The following GALK2 variants were observed in gnomAD, a reference collection of about 807,000 sequenced individuals.
GALK2 encodes the protein N-acetylgalactosamine kinase.
Under a neutral mutation model 52.4 loss-of-function variants are expected in GALK2, and 36 were observed. The observed-to-expected ratio is 0.69, with a 90% CI of 0.53 to 0.91. The LOEUF (loss-of-function observed/expected upper bound fraction) is 0.91, where lower values mean the gene tolerates loss of function less well. GALK2 is among the 40% of genes least tolerant of loss of function. The pLI is 0.00. For missense variants in GALK2, 579 were observed against 559.1 expected, an observed-to-expected ratio of 1.04 and a Z score of -0.36; for synonymous variants, 176 against 199.1, an observed-to-expected ratio of 0.88 and a Z score of 0.98.
rs139257002 is a variant in GALK2 at position 49,308,512 on chromosome 15, A to G, written c.968-11092A>G. Among the ~76,000 whole-genome samples the G allele has an allele frequency of 1.7e-4, 26 of 152,344 alleles. No individual in the cohort carries two copies. The East Asian group carries it at 4.8e-3, about 28-fold the overall frequency. On this transcript the variant is annotated intron_variant, in intron 8 of 9. Coordinates refer to ENST00000560031, the MANE Select transcript of GALK2 (RefSeq NM_002044.4). The stretch of plus-strand genomic sequence containing the variant: ...ATTATCCTGAGATAGTCTTCATTCA[A>G]GGTAATGAAATATTCTTAAAATACT...
intron 3 of GALK2, chr15:49,365,957 A>G: frequency 1.1e-6 from 1 of 873,606 alleles, no homozygotes; most frequent in Non-Finnish European, 2.0e-6. Flanking sequence ...TAAACTAACC[A>G]TTTGTGGAAG....
rs933184395 is a variant in GALK2 at position 49,164,803 on chromosome 15, A to T, written c.20+8787A>T. ...CTCAAAAAAAAAAAAAAAAAAAAAA[A>T]AAAGAAATAAAAAGGAAAAAACAAA... On this transcript the variant is annotated intron_variant, in intron 1 of 9. Coordinates refer to the GALK2 transcript ENST00000327171. Among the ~76,000 whole-genome samples, 3 of 150,670 alleles carry T rather than the reference A, an allele frequency of 2.0e-5. No individual in the cohort carries two copies. The East Asian group carries it at 5.8e-4, about 29-fold the overall frequency.
intron 8 of GALK2, among the ~76,000 whole-genome samples, chr15:49,315,071 G>A (rs1463907570): frequency 6.6e-6 from 1 of 152,166 alleles, no homozygotes; most frequent in East Asian, 1.9e-4. Context: ...AGTATATATA[G>A]CCATGAACAT....
chr15:49,292,226 C>T (rs974188275), intron 7 of GALK2, 101 bp from the exon 8 acceptor site: 37 of 1,087,664 alleles, frequency 3.4e-5, no homozygotes, highest in Admixed American at 2.0e-4. Flanking sequence ...AGGAAAACAA[C>T]AACAAAACAA....
At chr15:49,173,116 A>G (rs750426971) in intron 1 of GALK2, among the ~76,000 whole-genome samples, 8 of 152,030 alleles carry the variant, frequency 5.3e-5, no homozygotes, top group Admixed American at 2.0e-4. Context: ...GTATTTATAG[A>G]TTTAGTCACT....
chr15:49,171,088 T>C (rs201633304), intron 1 of GALK2, among the ~76,000 whole-genome samples: 49 of 134,568 alleles, frequency 3.6e-4, no homozygotes, highest in East Asian at 1.1e-3. Context: ...TTTTCTTTTT[T>C]TTTTTTTTTT....
chr15:49,191,451 C>G lies in GALK2; in HGVS notation c.54-9711C>G, dbSNP rs149852419. Among the ~76,000 whole-genome samples, 293 of 152,202 alleles carry G rather than the reference C, an allele frequency of 1.9e-3. 1 individual carries two copies. Among genetic ancestry groups the G allele is most frequent in the East Asian group, 0.011 (56 of 5,182 alleles). On this transcript the variant is annotated intron_variant, in intron 1 of 9. Transcript: ENST00000560031. ...GTTGGGTCTAGTGCAACAGCTTAGT[C>G]TAAAACAATGGCCTCCTATAATTTT...
intron 8 of GALK2, among the ~76,000 whole-genome samples, chr15:49,311,681 G>A (rs138790512): frequency 9.1e-4 from 138 of 152,270 alleles, no homozygotes; most frequent in African/African-American, 2.9e-3. Context: ...GGATATATCC[G>A]TATTGTACTT....
At chr15:49,364,838 G>A (rs1257060849) in intron 3 of GALK2, among the ~76,000 whole-genome samples, 1 of 151,698 alleles carries the variant, frequency 6.6e-6, no homozygotes, top group African/African-American at 2.4e-5. Flanking sequence ...AAAAGCATAG[G>A]GATGGGTCAA....
chr15:49,319,511 C>T, intron 8 of GALK2, 93 bp from the exon 9 acceptor site: 1 of 1,006,060 alleles, frequency 9.9e-7, no homozygotes, highest in Non-Finnish European at 1.5e-6. Context: ...ATAATGAAAA[C>T]AGAAATGAAA....
intron 5 of GALK2, among the ~76,000 whole-genome samples, chr15:49,278,536 A>G (rs891381804): frequency 3.9e-5 from 6 of 152,234 alleles, no homozygotes; most frequent in Admixed American, 2.0e-4. Context: ...TTAGAGCACT[A>G]TAAGGTGCTT....
intron 1 of GALK2, among the ~76,000 whole-genome samples, chr15:49,199,465 C>T (rs1216953577): frequency 2.0e-5 from 3 of 152,114 alleles, no homozygotes; most frequent in Admixed American, 6.5e-5. Context: ...CTAGCGATAT[C>T]AGTTATTGTC....
chr15:49,155,864 C>G, exon 1 of GALK2: 2 of 999,200 alleles, frequency 2.0e-6, no homozygotes, highest in South Asian at 1.5e-5. Context: ...AAACTGCGCT[C>G]GCATCGAGCA....
At chr15:49,170,230 A>G, upstream of GALK2, 10 of 1,534,854 alleles carry the variant, frequency 6.5e-6, no homozygotes, top group Non-Finnish European at 8.8e-6. Flanking sequence ...ATCTCCCGGA[A>G]GAAAACGGCT....
intron 3 of GALK2, among the ~76,000 whole-genome samples, chr15:49,336,967 T>C (rs2039825321): frequency 6.6e-6 from 1 of 152,212 alleles, no homozygotes; most frequent in South Asian, 2.1e-4. Context: ...TTTGGTGTTA[T>C]TTACTTAGGA....
chr15:49,200,854 A>G (rs757029618), intron 1 of GALK2, among the ~76,000 whole-genome samples: 17 of 152,212 alleles, frequency 1.1e-4, no homozygotes. Context: ...CAGAAACTAC[A>G]TTCTTCAAAA....
intron 3 of GALK2, among the ~76,000 whole-genome samples, chr15:49,230,825 TTTCTC>T (rs2090459458): frequency 6.6e-6 from 1 of 152,224 alleles, no homozygotes; most frequent in African/African-American, 2.4e-5. Flanking sequence ...TCAGGATTCT[TTTCTC>T]AGAATTCTAC....
chr15:49,169,201 C>T (rs2084926903), upstream of GALK2: 1 of 151,688 alleles, frequency 6.6e-6, no homozygotes, highest in Admixed American at 6.6e-5. Context: ...ATGTATACAA[C>T]TTATCGAATC....
chr15:49,242,658 A>G lies in GALK2; in HGVS notation c.504+3291A>G, dbSNP rs141493757. Among the ~76,000 whole-genome samples the G allele has an allele frequency of 1.8e-4, 27 of 152,350 alleles. 1 individual carries two copies. In the East Asian group the frequency reaches 4.6e-3, roughly 26 times the overall value. ...ATGTGGAACTTGTTAATTCATTAAT[A>G]TACTAAATGTTGCATATCTGAAACC... is the stretch of plus-strand genomic sequence containing the variant. On this transcript the variant is annotated intron_variant, in intron 5 of 9. Transcript: ENST00000560031.
Sources: gnomAD v4.1 joint callset for allele counts (sites outside exome capture counted in the v4.1 genomes callset) on GRCh38, gnomAD v4.1.1 for gene constraint, MANE v1.5 for transcripts, NCBI Gene and HGNC (gene_info 2026-07-23, HGNC 2026-07-21) for gene names.